HECTD2: variants seen among roughly 807,000 people sequenced by gnomAD.
HECTD2 encodes probable E3 ubiquitin-protein ligase HECTD2.
HECTD2 carries 35 observed loss-of-function variants against 103.2 expected under a neutral mutation model. The observed-to-expected ratio is 0.34, with a 90% CI of 0.26 to 0.45. HECTD2 has a LOEUF of 0.45. Ranked by LOEUF, HECTD2 falls within the 20% of genes least tolerant of loss-of-function variation. The pLI, the probability that HECTD2 is intolerant of heterozygous loss-of-function variation, is 1.00. For missense variants in HECTD2, 596 were observed against 937.4 expected (o/e 0.64, Z 4.76); for synonymous variants, 281 against 329.9 (o/e 0.85, Z 1.61).
intron 2 of HECTD2, among the ~76,000 whole-genome samples, chr10:91,439,724 T>C (rs574945553): frequency 6.6e-6 from 1 of 152,198 alleles, no homozygotes; most frequent in Non-Finnish European, 1.5e-5. Flanking sequence ...GGATGGAATG[T>C]TTTTCCCTTT....
chr10:91,471,198 G>A (rs184505257), intron 5 of HECTD2, among the ~76,000 whole-genome samples: 36 of 152,228 alleles, frequency 2.4e-4, no homozygotes, highest in South Asian at 1.0e-3. Flanking sequence ...GATTCATCAC[G>A]TAACAGAACT....
At chr10:91,454,517 C>A (rs1844981197) in intron 2 of HECTD2, among the ~76,000 whole-genome samples, 2 of 151,708 alleles carry the variant, frequency 1.3e-5, no homozygotes, top group Non-Finnish European at 2.9e-5. Context: ...ACTGCTACAG[C>A]AGTGCTGAGA....
At chr10:91,509,572 A>G (rs920619604) in intron 20 of HECTD2, among the ~76,000 whole-genome samples, 9 of 152,194 alleles carry the variant, frequency 5.9e-5, no homozygotes, top group African/African-American at 2.2e-4. Flanking sequence ...AATGTGGTAC[A>G]TATATACCAT....
At chr10:91,504,848 A>C (rs1564739006) in intron 20 of HECTD2, among the ~76,000 whole-genome samples, 1 of 152,124 alleles carries the variant, frequency 6.6e-6, no homozygotes, top group Non-Finnish European at 1.5e-5. Context: ...AGTTGAAATG[A>C]AGGAAAAAAT....
intron 20 of HECTD2, among the ~76,000 whole-genome samples, chr10:91,503,525 C>CTGGAAAATCGGG (rs1410247770): frequency 6.6e-6 from 1 of 152,208 alleles, no homozygotes. Context: ...CGGACAGCAC[C>CTGGAAAATCGGG]TGGAAAATCG....
intron 2 of HECTD2, among the ~76,000 whole-genome samples, chr10:91,457,259 A>G (rs146413659): frequency 6.4e-4 from 98 of 152,200 alleles, no homozygotes; most frequent in African/African-American, 2.1e-3. Context: ...TTTCTGTACA[A>G]TCTCTACCAG....
intron 2 of HECTD2, among the ~76,000 whole-genome samples, chr10:91,452,303 A>G (rs1463120162): frequency 1.3e-5 from 2 of 152,164 alleles, no homozygotes; most frequent in Non-Finnish European, 2.9e-5. Flanking sequence ...CTCATTCAGA[A>G]GAAATCCAAA....
intron 2 of HECTD2, among the ~76,000 whole-genome samples, chr10:91,426,705 C>A (rs1366581300): frequency 1.3e-5 from 2 of 151,784 alleles, no homozygotes; most frequent in African/African-American, 2.4e-5. Flanking sequence ...GAAGTCAGTT[C>A]GCCAACTCGT....
chr10:91,474,987 C>A (rs182681069), intron 5 of HECTD2, among the ~76,000 whole-genome samples: 8 of 152,176 alleles, frequency 5.3e-5, no homozygotes, highest in African/African-American at 1.9e-4. Flanking sequence ...ACACAATTGG[C>A]AAATTCAGAA....
Position 91,470,973 on chromosome 10 carries a change from GACAC to G in HECTD2, c.601-7215_601-7212del, listed in dbSNP as rs139385765. The stretch of plus-strand genomic sequence containing the variant: ...GATATCATCTTTTCTGTGTGGCAGA[GACAC>G]ACACACACACACGCACACACACACA... On this transcript the variant is annotated intron_variant, in intron 5 of 20. Transcript: ENST00000298068. 3.4e-3 allele frequency among the ~76,000 whole-genome samples: 502 copies of G among 148,904 alleles called. 3 individuals carry two copies. Among genetic ancestry groups the G allele is most frequent in the African/African-American group, 0.012 (448 of 38,882 alleles).
chr10:91,467,883 C>T (rs1845587125), intron 5 of HECTD2, among the ~76,000 whole-genome samples: 1 of 151,950 alleles, frequency 6.6e-6, no homozygotes, highest in African/African-American at 2.4e-5. Flanking sequence ...CAACTAGCCC[C>T]CCCACCATGC....
intron 14 of HECTD2, among the ~76,000 whole-genome samples, chr10:91,494,636 A>G (rs1846599541): frequency 6.6e-6 from 1 of 152,064 alleles, no homozygotes; most frequent in Admixed American, 6.5e-5. Flanking sequence ...GAAATTTTGT[A>G]TATATTGTTG....
At chr10:91,439,416 A>T (rs1564707695) in intron 2 of HECTD2, among the ~76,000 whole-genome samples, 1 of 151,906 alleles carries the variant, frequency 6.6e-6, no homozygotes, top group Non-Finnish European at 1.5e-5. Context: ...TGAGACCTTT[A>T]TCCGGTTCCA....
intron 20 of HECTD2, among the ~76,000 whole-genome samples, chr10:91,505,207 G>T (rs1241860200): frequency 6.6e-6 from 1 of 151,742 alleles, no homozygotes; most frequent in African/African-American, 2.4e-5. Flanking sequence ...GGAAGAAACT[G>T]CATCAACTAA....
At position 91,487,872 on chromosome 10, in the gene HECTD2, A is replaced by G. The variant is rs1018111396; in HGVS notation, c.1191+94A>G. The stretch of plus-strand genomic sequence containing the variant: ...TAAATGTCTTGTGAATTGTTCTAGC[A>G]TAATCAGGAATGTTAAAAGCAAAAT... On this transcript the variant is annotated intron_variant, in intron 11 of 20. Transcript: ENST00000298068. The surrounding 1 kb of genome is among the most constrained non-coding windows in gnomAD (Gnocchi z 4.1). 1.1e-5 allele frequency: 9 copies of G among 783,048 alleles called. No individual in the cohort carries two copies. The highest frequency in any genetic ancestry group is 2.8e-5 in the East Asian group (1 of 35,580). The allele number at this position is 783,048 out of a possible 1,614,324, so 48.5% of individuals were successfully genotyped here.
chr10:91,507,274 G>C (rs1289980758), intron 20 of HECTD2, among the ~76,000 whole-genome samples: 13 of 151,384 alleles, frequency 8.6e-5, no homozygotes, highest in Non-Finnish European at 1.6e-4. Context: ...GTTCTGGCCA[G>C]GGCAATTAGA....
intron 2 of HECTD2, among the ~76,000 whole-genome samples, chr10:91,429,978 C>A (rs1843765621): frequency 1.3e-5 from 2 of 152,054 alleles, no homozygotes; most frequent in Admixed American, 1.3e-4. Flanking sequence ...GTTAGGGTGT[C>A]AATTTTGGAT....
rs1846858478 is a variant in HECTD2, at chr10:91,500,502, C to T, written c.1951C>T (p.Leu651=). The change falls in exon 19 of 21, where the codon CTG becomes TTG. Residue 651 remains leucine, a splice_region_variant and synonymous_variant. Coordinates refer to ENST00000298068, the MANE Select transcript of HECTD2 (RefSeq NM_182765.6). The part of the protein sequence containing the change: ...HSVCASNALM[L]LRPEEVEILV... ...GTTTTTGATAAATAATTATTGGCAG[C>T]TGCTTCGTCCAGAAGAGGTTGAAAT... is the stretch of plus-strand genomic sequence containing the variant. 2.0e-6 allele frequency: 3 copies of T among 1,483,136 alleles called. No homozygotes were observed. Among genetic ancestry groups the T allele is most frequent in the Non-Finnish European group, 2.8e-6 (3 of 1,061,870 alleles). The allele number at this position is 1,483,136 out of a possible 1,614,324, so 91.9% of individuals were successfully genotyped here.
chr10:91,427,868 C>T (rs1843641416), intron 2 of HECTD2, among the ~76,000 whole-genome samples: 1 of 151,830 alleles, frequency 6.6e-6, no homozygotes, highest in Non-Finnish European at 1.5e-5. Context: ...TGTGCAGAAG[C>T]TCTTTAGTTT....
Sources: allele counts gnomAD v4.1 joint callset (sites outside exome capture counted in the v4.1 genomes callset), GRCh38; gene constraint gnomAD v4.1.1; non-coding constraint Gnocchi (gnomAD v3.1); transcripts MANE v1.5; gene names NCBI Gene and HGNC (gene_info 2026-07-23, HGNC 2026-07-21).